The following PRR11 variants were observed in gnomAD, a reference collection of about 807,000 sequenced individuals.
PRR11 encodes the protein proline rich 11.
A neutral mutation model predicts 45.6 loss-of-function variants in PRR11; 30 were observed. The observed-to-expected ratio is 0.66, with a 90% CI of 0.49 to 0.89. PRR11 has a LOEUF of 0.89. Ranked by LOEUF, PRR11 falls within the 40% of genes least tolerant of loss-of-function variation. The pLI is 0.00. For missense variants in PRR11, 373 were observed against 424.8 expected (o/e 0.88, Z 1.07); for synonymous variants, 128 against 153.5 (o/e 0.83, Z 1.23).
intron 1 of PRR11, among the ~76,000 whole-genome samples, chr17:59,164,005 G>T (rs1006276950): frequency 1.3e-5 from 2 of 152,168 alleles, no homozygotes; most frequent in African/African-American, 2.4e-5. Context: ...GTGGGCGGAG[G>T]TTGCAGTGAG....
At chr17:59,163,216 A>G (rs2147833178) in intron 1 of PRR11, among the ~76,000 whole-genome samples, 1 of 151,988 alleles carries the variant, frequency 6.6e-6, no homozygotes, top group African/African-American at 2.4e-5. Context: ...TCAGCCTCCC[A>G]GATAGCTGGG....
intron 2 of PRR11, among the ~76,000 whole-genome samples, chr17:59,184,850 G>GTTTTTT (rs5821252): frequency 5.5e-5 from 4 of 72,692 alleles, no homozygotes; most frequent in African/African-American, 2.4e-4. Flanking sequence ...GCCTGATTAA[G>GTTTTTT]TTTTTTTTTT....
At chr17:59,200,618 G>A (rs2046887718) in intron 9 of PRR11, among the ~76,000 whole-genome samples, 1 of 152,032 alleles carries the variant, frequency 6.6e-6, no homozygotes, top group South Asian at 2.1e-4. Context: ...TCAGCCTCCC[G>A]AATAGCTGGG....
At chr17:59,157,473 G>A (rs1301120415) in intron 1 of PRR11, among the ~76,000 whole-genome samples, 5 of 152,180 alleles carry the variant, frequency 3.3e-5, no homozygotes, top group South Asian at 2.1e-4. Flanking sequence ...AGGATGAAGC[G>A]GGCGGATCAC....
chr17:59,162,696 C>T (rs1175895437), intron 1 of PRR11, among the ~76,000 whole-genome samples: 1 of 145,614 alleles, frequency 6.9e-6, no homozygotes, highest in East Asian at 2.1e-4. Context: ...TAAATTTAGA[C>T]AAATACTGAC....
chr17:59,187,041 AG>A (rs1013378534), intron 4 of PRR11, among the ~76,000 whole-genome samples: 22 of 152,102 alleles, frequency 1.4e-4, no homozygotes, highest in Non-Finnish European at 2.2e-4. Flanking sequence ...ATACATGAGT[AG>A]GGCCAGGCAC....
At chr17:59,169,548 A>C (rs1236848847) in intron 1 of PRR11, among the ~76,000 whole-genome samples, 200 bp from the exon 2 acceptor site, 2 of 152,190 alleles carry the variant, frequency 1.3e-5, no homozygotes, top group African/African-American at 2.4e-5. Context: ...ATCTCTCCAG[A>C]GATAGTTTAA....
rs1190653066 is a variant in PRR11 at position 59,197,729 on chromosome 17, T to TA, written c.955dup (p.Met319AsnfsTer25). On this transcript the variant is annotated frameshift_variant, in exon 9 of 10. Transcript: ENST00000262293. LOFTEE classifies it high-confidence loss of function. ...GAACCCCTCTTACCAATAAGGAAAA[T>TA]ATGGAAACAGGAACAGGACTGACTC... is the stretch of plus-strand genomic sequence containing the variant. The TA allele has an allele frequency of 4.3e-6, 7 of 1,613,910 alleles. No homozygotes were observed. The highest frequency in any genetic ancestry group is 5.1e-6 in the Non-Finnish European group (6 of 1,179,986).
chr17:59,200,829 C>T (rs527753851), intron 9 of PRR11, among the ~76,000 whole-genome samples: 56 of 151,848 alleles, frequency 3.7e-4, no homozygotes, highest in African/African-American at 1.4e-3. Context: ...CTCACTATAT[C>T]TCCCAGGCTG....
At chr17:59,161,625 T>A (rs1379956132) in intron 1 of PRR11, among the ~76,000 whole-genome samples, 2 of 152,118 alleles carry the variant, frequency 1.3e-5, no homozygotes, top group East Asian at 1.9e-4. Context: ...GGTACGCCCT[T>A]GTAGTTCCAA....
At chr17:59,169,210 T>C (rs529111747) in intron 1 of PRR11, among the ~76,000 whole-genome samples, 1 of 147,716 alleles carries the variant, frequency 6.8e-6, no homozygotes. Flanking sequence ...GCGATTCTCC[T>C]ACCTCAGCCT....
At chr17:59,172,487 C>A (rs1464805173) in intron 2 of PRR11, among the ~76,000 whole-genome samples, 5 of 152,194 alleles carry the variant, frequency 3.3e-5, no homozygotes, top group Admixed American at 1.3e-4. Context: ...TGGCCAAGGC[C>A]GGAGCCAGCT....
intron 1 of PRR11, among the ~76,000 whole-genome samples, chr17:59,165,760 C>G (rs1003862951): frequency 1.3e-5 from 2 of 151,958 alleles, no homozygotes; most frequent in Admixed American, 6.6e-5. Flanking sequence ...CCATTGCACT[C>G]CAGCCTGGGC....
chr17:59,197,380 T>G (rs930332661), intron 7 of PRR11, among the ~76,000 whole-genome samples, 164 bp from the exon 8 acceptor site: 9 of 151,702 alleles, frequency 5.9e-5, no homozygotes, highest in African/African-American at 2.2e-4. Flanking sequence ...GCCTCCCGAG[T>G]AGCTGGGACT....
At chr17:59,180,013 T>A in intron 2 of PRR11, 1 of 966,378 alleles carries the variant, frequency 1.0e-6, no homozygotes, top group South Asian at 1.4e-5. Flanking sequence ...TCTTTCCGTC[T>A]TTCTCCTTTG....
chr17:59,183,642 T>A (rs2046799646), intron 2 of PRR11, among the ~76,000 whole-genome samples: 1 of 152,194 alleles, frequency 6.6e-6, no homozygotes, highest in Admixed American at 6.5e-5. Flanking sequence ...GTCCCCAGTT[T>A]CAGGGAGTCC....
At chr17:59,179,676 G>A in intron 2 of PRR11, 1 of 1,467,726 alleles carries the variant, frequency 6.8e-7, no homozygotes, top group Non-Finnish European at 9.3e-7. Flanking sequence ...GTCTCGTGGT[G>A]CTCAGGGAGC....
chr17:59,176,524 A>G (rs1201009040), intron 2 of PRR11, among the ~76,000 whole-genome samples: 1 of 151,986 alleles, frequency 6.6e-6, no homozygotes, highest in African/African-American at 2.4e-5. Context: ...TGCAGTTGAT[A>G]TGGGAAGGAG....
chr17:59,156,481 G>C (rs556045189), intron 1 of PRR11, among the ~76,000 whole-genome samples: 1 of 151,590 alleles, frequency 6.6e-6, no homozygotes, highest in African/African-American at 2.4e-5. Context: ...TGTTCAAGAA[G>C]AATCAATTGG....
Sources: gnomAD v4.1 joint callset for allele counts (sites outside exome capture counted in the v4.1 genomes callset) on GRCh38, gnomAD v4.1.1 for gene constraint, MANE v1.5 for transcripts, NCBI Gene and HGNC (gene_info 2026-07-23, HGNC 2026-07-21) for gene names.